The following PRUNE1 variants were observed in gnomAD, a reference collection of about 807,000 sequenced individuals.
PRUNE1 encodes the protein prune exopolyphosphatase 1, also known as exopolyphosphatase PRUNE1.
A neutral mutation model predicts 42.5 loss-of-function variants in PRUNE1; 25 were observed. The observed-to-expected ratio is 0.59, with a 90% CI of 0.43 to 0.82. The LOEUF is 0.82. PRUNE1 is among the 40% of genes least tolerant of loss of function. The pLI is 0.00. For missense variants in PRUNE1, 443 were observed against 539.3 expected (o/e 0.82, Z 1.77); for synonymous variants, 203 against 217.1 (o/e 0.93, Z 0.57).
Position 151,017,809 on chromosome 1 carries a change from C to A in PRUNE1, c.40-3C>A. 6.4e-7 allele frequency: 1 copy of A among 1,564,372 alleles called. No homozygotes were observed. Reference sequence around the variant, plus strand: ...TTAGTTTCCCATTTTCCTTTCTCTCCAGGAGTCCCGACCTCTACATGTTGT... The same window carrying A: ...TTAGTTTCCCATTTTCCTTTCTCTCAAGGAGTCCCGACCTCTACATGTTGT... On this transcript the variant is annotated splice_polypyrimidine_tract_variant and splice_region_variant and intron_variant, in intron 1 of 7. Coordinates refer to ENST00000271620, the MANE Select transcript of PRUNE1 (RefSeq NM_021222.3).
chr1:151,024,692 T>C lies in PRUNE1; in HGVS notation c.417T>C (p.His139=), dbSNP rs1674711879. The C allele has an allele frequency of 8.7e-6, 14 of 1,614,024 alleles. No homozygotes were observed. Among genetic ancestry groups the C allele is most frequent in the Non-Finnish European group, 1.1e-5 (13 of 1,179,956 alleles). Reference sequence around the variant, plus strand: ...AGCCGAAACACTGCCCTCCCTGCCATGTTTCAGTTGAGCTGGTGGGGTCCT... The same window carrying C: ...AGCCGAAACACTGCCCTCCCTGCCACGTTTCAGTTGAGCTGGTGGGGTCCT... ...PIEPKHCPPC[H]VSVELVGSCA... Residue 139 remains histidine, a synonymous_variant, in exon 4 of 8, where the codon CAT becomes CAC. Coordinates refer to ENST00000271620, the MANE Select transcript of PRUNE1 (RefSeq NM_021222.3).
chr1:151,027,305 G>A lies in PRUNE1; in HGVS notation c.752G>A (p.Ser251Asn). 6.2e-7 allele frequency: 1 copy of A among 1,608,102 alleles called. No homozygotes were observed. Among genetic ancestry groups the A allele is most frequent in the Non-Finnish European group, 8.5e-7 (1 of 1,174,690 alleles). Residue 251 changes from serine to asparagine, a missense_variant, in exon 6 of 8, where the codon AGT becomes AAT. Transcript: ENST00000271620. ...AGACAAGGCGTCAAGGTGGCCATTA[G>A]TGCAATATATATGGATTTGGAGGTA... ...IYRQGVKVAI[S>N]AIYMDLEAFL...
chr1:151,011,157 T>C (rs191549233), intron 1 of PRUNE1, among the ~76,000 whole-genome samples: 20 of 152,350 alleles, frequency 1.3e-4, no homozygotes, highest in Non-Finnish European at 2.5e-4. Flanking sequence ...ATGTTTCTGT[T>C]AAACTACAGT....
chr1:151,010,425 A>G (rs1366101987), intron 1 of PRUNE1, among the ~76,000 whole-genome samples: 2 of 152,234 alleles, frequency 1.3e-5, no homozygotes, highest in South Asian at 2.1e-4. Context: ...CTGGAAAAAT[A>G]CTTGATTTTT....
chr1:151,025,514 G>A lies in PRUNE1; in HGVS notation c.521-1G>A. The A allele has an allele frequency of 6.2e-7, 1 of 1,612,412 alleles. No homozygotes were observed. The highest frequency in any genetic ancestry group is 8.5e-7 in the Non-Finnish European group (1 of 1,179,340). ...AGTTCCACCATCTCCCTTCTCCACA[G>A]GAACCATCATCCTGGACTGTGTCAA... On this transcript the variant is annotated splice_acceptor_variant, in intron 4 of 7. Transcript: ENST00000271620. LOFTEE classifies it high-confidence loss of function.
At position 151,034,786 on chromosome 1, in the gene PRUNE1, G is replaced by C. The variant is rs1381939228; in HGVS notation, c.*552G>C. 6.3e-6 allele frequency: 1 copy of C among 158,636 alleles called. No homozygotes were observed. The highest frequency in any genetic ancestry group is 1.4e-5 in the Non-Finnish European group (1 of 71,338). 9.8% of individuals were successfully genotyped at this position (158,636 alleles called of 1,614,324 possible). ...TGCCACCATTTAGGTGATGGTGTTT[G>C]ATTCAGAGATGGCTGAATTTCTATT... On this transcript the variant is annotated 3_prime_UTR_variant, in exon 8 of 8. Coordinates refer to ENST00000271620, the MANE Select transcript of PRUNE1 (RefSeq NM_021222.3).
At chr1:151,019,371 A>G (rs766980249) in intron 3 of PRUNE1, among the ~76,000 whole-genome samples, 3 of 152,190 alleles carry the variant, frequency 2.0e-5, no homozygotes, top group Middle Eastern at 3.4e-3. Flanking sequence ...CCGCCTGAGC[A>G]ACATGGCAAA....
chr1:151,020,171 C>CA (rs1558078895), intron 3 of PRUNE1, among the ~76,000 whole-genome samples: 1 of 139,522 alleles, frequency 7.2e-6, no homozygotes, highest in Non-Finnish European at 1.6e-5. Flanking sequence ...TGTGGTGGCT[C>CA]ACGCCTGTAA....
chr1:151,027,787 C>T (rs1175765645), intron 6 of PRUNE1, among the ~76,000 whole-genome samples: 19 of 141,842 alleles, frequency 1.3e-4, no homozygotes, highest in African/African-American at 2.4e-4. Context: ...TGTGTGCGCG[C>T]GCGTGTATGT....
At position 151,024,669 on chromosome 1, in the gene PRUNE1, C is replaced by G. The variant is rs1040739380; in HGVS notation, c.394C>G (p.Pro132Ala). Reference protein sequence around the residue: ...AEVLDHRPIEPKHCPPCHVSV... With the variant: ...AEVLDHRPIEAKHCPPCHVSV... Reference sequence around the variant, plus strand: ...GGTGCTAGACCATCGACCCATCGAGCCGAAACACTGCCCTCCCTGCCATGT... The same window carrying G: ...GGTGCTAGACCATCGACCCATCGAGGCGAAACACTGCCCTCCCTGCCATGT... Residue 132 changes from proline to alanine, a missense_variant, in exon 4 of 8, where the codon CCG (proline) becomes GCG (alanine). Coordinates refer to ENST00000271620, the MANE Select transcript of PRUNE1 (RefSeq NM_021222.3). 18 of 1,613,792 alleles carry G rather than the reference C, an allele frequency of 1.1e-5. No individual in the cohort carries two copies. Among genetic ancestry groups the G allele is most frequent in the Non-Finnish European group, 1.4e-5 (17 of 1,179,814 alleles).
chr1:151,028,815 A>G lies in PRUNE1; in HGVS notation c.804A>G (p.Ala268=). The G allele has an allele frequency of 6.2e-7, 1 of 1,614,114 alleles. No homozygotes were observed. Among genetic ancestry groups the G allele is most frequent in the South Asian group, 1.1e-5 (1 of 91,080 alleles). ...EAFLQRSNLL[A]DLHAFCQAHS... is the part of the protein sequence containing the mutation. ...TTCTGCAGAGGTCTAACCTCCTTGC[A>G]GATCTCCATGCTTTCTGCCAGGCTC... is the stretch of plus-strand genomic sequence containing the variant. Residue 268 remains alanine (A), a synonymous_variant, in exon 7 of 8, where the codon GCA becomes GCG. Transcript: ENST00000271620.
chr1:151,027,288 C>A lies in PRUNE1; in HGVS notation c.735C>A (p.Gly245=). The change falls in exon 6 of 8, where the codon GGC becomes GGA. Residue 245 remains glycine (G), a synonymous_variant. Transcript: ENST00000271620. ...RKDQKTIYRQ[G]VKVAISAIYM... ...ACCAGAAGACTATCTATAGACAAGG[C>A]GTCAAGGTGGCCATTAGTGCAATAT... 1.9e-6 allele frequency: 3 copies of A among 1,611,612 alleles called. No individual in the cohort carries two copies. The highest frequency in any genetic ancestry group is 1.7e-4 in the Middle Eastern group (1 of 6,058).
At chr1:151,015,465 C>T (rs1674051821) in intron 1 of PRUNE1, among the ~76,000 whole-genome samples, 1 of 151,834 alleles carries the variant, frequency 6.6e-6, no homozygotes, top group South Asian at 2.1e-4. Context: ...GAAACCCCGT[C>T]TCTACTAAAA....
At chr1:151,025,479 A>G in intron 4 of PRUNE1, 36 bp from the exon 5 acceptor site, 2 of 1,601,478 alleles carry the variant, frequency 1.2e-6, no homozygotes, top group Non-Finnish European at 1.7e-6. Flanking sequence ...GTGAAGGGTC[A>G]CAGGATTCAA....
chr1:151,023,986 G>T (rs2102924067), intron 3 of PRUNE1, among the ~76,000 whole-genome samples: 1 of 152,068 alleles, frequency 6.6e-6, no homozygotes, highest in African/African-American at 2.4e-5. Flanking sequence ...TTCGAGACCA[G>T]CCTGACCAAC....
chr1:151,012,066 C>T (rs1031856745), intron 1 of PRUNE1, among the ~76,000 whole-genome samples: 3 of 151,964 alleles, frequency 2.0e-5, no homozygotes, highest in Admixed American at 2.0e-4. Context: ...CGTGAGCCAC[C>T]GTGCCTGGCC....
intron 1 of PRUNE1, among the ~76,000 whole-genome samples, chr1:151,016,317 C>T (rs1674100542): frequency 6.6e-6 from 1 of 152,036 alleles, no homozygotes; most frequent in Non-Finnish European, 1.5e-5. Flanking sequence ...TTCCACCCAG[C>T]AGAATGCTTA....
intron 1 of PRUNE1, among the ~76,000 whole-genome samples, chr1:151,009,382 A>T (rs1294198617): frequency 6.6e-6 from 1 of 152,200 alleles, no homozygotes; most frequent in African/African-American, 2.4e-5. Context: ...GTGTGTTTGG[A>T]ATCAAAACCA....
At chr1:151,029,236 G>A (rs190437703) in intron 7 of PRUNE1, among the ~76,000 whole-genome samples, 87 of 151,182 alleles carry the variant, frequency 5.8e-4, no homozygotes, top group Admixed American at 1.1e-3. Flanking sequence ...TTGAAAGAAC[G>A]AAATCTAGTT....
Sources: allele counts gnomAD v4.1 joint callset (sites outside exome capture counted in the v4.1 genomes callset), GRCh38; gene constraint gnomAD v4.1.1; transcripts MANE v1.5; gene names NCBI Gene and HGNC (gene_info 2026-07-23, HGNC 2026-07-21).